The following BFSP1 variants were observed in gnomAD, a reference collection of about 807,000 sequenced individuals.
BFSP1 encodes the protein beaded filament structural protein 1.
BFSP1 carries 38 observed loss-of-function variants against 43.9 expected under a neutral mutation model. The observed-to-expected ratio is 0.87, with a 90% confidence interval of 0.67 to 1.14. The LOEUF (loss-of-function observed/expected upper bound fraction) is 1.14, where lower values mean the gene tolerates loss of function less well. Among genes scored for constraint, BFSP1 ranks in the 50% most tolerant of loss-of-function variants. BFSP1 has a pLI of 0.00. For synonymous variants in BFSP1, 352 were observed against 354.8 expected (o/e 0.99, Z 0.09); for missense variants, 850 against 875.1 (o/e 0.97, Z 0.36).
Position 17,517,653 on chromosome 20 carries a change from ATATAT to A in BFSP1, c.439-2842_439-2838del, listed in dbSNP as rs537387178. Among the ~76,000 whole-genome samples, 413 of 152,364 alleles carry A rather than the reference ATATAT, an allele frequency of 2.7e-3. 3 individuals are homozygous for A. The highest frequency in any genetic ancestry group is 9.5e-3 in the African/African-American group (396 of 41,586). On this transcript the variant is annotated intron_variant, in intron 2 of 7. Coordinates refer to ENST00000377873, the MANE Select transcript of BFSP1 (RefSeq NM_001195.5). The stretch of plus-strand genomic sequence containing the variant: ...GAAACAGGTGAAATTAATTTTAATA[ATATAT>A]TTTATTTTACCCAGTATACCCAAAA...
chr20:17,533,205 A>G (rs1052108703), upstream of BFSP1, among the ~76,000 whole-genome samples: 1 of 152,248 alleles, frequency 6.6e-6, no homozygotes, highest in African/African-American at 2.4e-5. Flanking sequence ...AAAAATAAAA[A>G]TAATAAATAA....
chr20:17,495,341 C>T (rs1443941500), intron 7 of BFSP1, among the ~76,000 whole-genome samples: 1 of 152,230 alleles, frequency 6.6e-6, no homozygotes, highest in Non-Finnish European at 1.5e-5. Flanking sequence ...GTATGCAAGG[C>T]CATTGTCCTG....
rs568965806 is a variant in BFSP1, at chr20:17,510,417, G to A, written c.628-1421C>T. ...TAACATCTCTGGAAAGGAATCTCTG[G>A]GAAAGAAAATTAAGGCTTCAGGAAA... is the stretch of plus-strand genomic sequence containing the variant. On this transcript the variant is annotated intron_variant, in intron 4 of 7. Coordinates refer to ENST00000377873, the MANE Select transcript of BFSP1 (RefSeq NM_001195.5). Among the ~76,000 whole-genome samples, 3 of 152,286 alleles carry A rather than the reference G, an allele frequency of 2.0e-5. No homozygotes were observed. The East Asian group carries it at 5.8e-4, about 29-fold the overall frequency.
chr20:17,533,872 A>T (rs776221437), upstream of BFSP1, among the ~76,000 whole-genome samples: 10 of 152,260 alleles, frequency 6.6e-5, no homozygotes, highest in Non-Finnish European at 1.2e-4. Flanking sequence ...GCGTAGCCTC[A>T]GAGTTAAATA....
chr20:17,563,810 T>C (rs963907232), upstream of BFSP1, among the ~76,000 whole-genome samples: 15 of 146,740 alleles, frequency 1.0e-4, no homozygotes, highest in African/African-American at 3.8e-4. Flanking sequence ...TGCTTGAGCC[T>C]AGGAGGTTGA....
chr20:17,531,301 G>T lies in BFSP1; in HGVS notation c.29C>A (p.Thr10Asn). 6.8e-7 allele frequency: 1 copy of T among 1,472,274 alleles called. No homozygotes were observed. The highest frequency in any genetic ancestry group is 2.9e-5 in the East Asian group (1 of 34,554). The allele number at this position is 1,472,274 out of a possible 1,614,324, so 91.2% of individuals were successfully genotyped here. MYRRSYVFQ[T>N]RKEQYEHADE... ...GGCGTGCTCGTACTGCTCCTTGCGG[G>T]TCTGGAAGACGTAGCTGCGCCGGTA... is the stretch of plus-strand genomic sequence containing the variant. The change falls in exon 1 of 8, where the codon ACC becomes AAC. Residue 10 changes from threonine (T) to asparagine (N), a missense_variant. Thr to Asn is a moderately conservative substitution (Grantham distance 65, BLOSUM62 0). Coordinates refer to ENST00000377873, the MANE Select transcript of BFSP1 (RefSeq NM_001195.5).
At chr20:17,539,294 T>A (rs557286273) in intron 1 of BFSP1, among the ~76,000 whole-genome samples, 2 of 151,810 alleles carry the variant, frequency 1.3e-5, no homozygotes, top group East Asian at 3.9e-4. Context: ...AACTGTTTCA[T>A]ACACACAGGA....
intron 4 of BFSP1, 101 bp from the exon 5 acceptor site, chr20:17,509,097 TG>T (rs2034014301): frequency 1.2e-6 from 1 of 823,706 alleles, no homozygotes; most frequent in African/African-American, 1.8e-5. Flanking sequence ...CGTGTCCCCC[TG>T]AATTCTGTGT....
intron 2 of BFSP1, among the ~76,000 whole-genome samples, chr20:17,515,411 C>T (rs561492240): frequency 1.3e-5 from 2 of 152,300 alleles, no homozygotes; most frequent in South Asian, 4.1e-4. Flanking sequence ...GCAGTTTTCT[C>T]CCAAGGACTG....
chr20:17,564,856 T>C (rs2035101748), intron 1 of BFSP1, among the ~76,000 whole-genome samples: 1 of 152,156 alleles, frequency 6.6e-6, no homozygotes, highest in African/African-American at 2.4e-5. Context: ...CCCAAAGTGC[T>C]GGGATTACAG....
chr20:17,498,564 C>T (rs1451605589), intron 6 of BFSP1, among the ~76,000 whole-genome samples: 3 of 152,214 alleles, frequency 2.0e-5, no homozygotes, highest in Admixed American at 2.0e-4. Context: ...GACCACCCTA[C>T]TTAAAACTGC....
At chr20:17,501,408 T>C (rs1187836374) in intron 5 of BFSP1, among the ~76,000 whole-genome samples, 1 of 151,920 alleles carries the variant, frequency 6.6e-6, no homozygotes, top group Non-Finnish European at 1.5e-5. Context: ...CTACTAAAAA[T>C]ACAAAAATTA....
intron 3 of BFSP1, among the ~76,000 whole-genome samples, chr20:17,513,008 G>A (rs546958100): frequency 2.6e-5 from 4 of 152,130 alleles, no homozygotes; most frequent in Admixed American, 6.5e-5. Flanking sequence ...CCAACAAATG[G>A]TCATCTTGTC....
In BFSP1 at chr20:17,531,042, G is replaced by A; in HGVS notation, c.288C>T (p.Arg96=). The change falls in exon 1 of 8, where the codon CGC becomes CGT. Residue 96 remains arginine (R), a synonymous_variant. Transcript: ENST00000377873. ...CGGCCTCCAGGTCCCGGACGCGCTG[G>A]CGGTTGCTCTCGACTTGGCGGGCGA... The part of the protein sequence containing the change: ...DALARQVESN[R]QRVRDLEAER... The A allele has an allele frequency of 7.0e-7, 1 of 1,420,258 alleles. No individual in the cohort carries two copies. Among genetic ancestry groups the A allele is most frequent in the Non-Finnish European group, 9.2e-7 (1 of 1,090,292 alleles). The allele number at this position is 1,420,258 out of a possible 1,614,324, so 88.0% of individuals were successfully genotyped here.
At chr20:17,545,778 TA>T (rs1304862075) in intron 1 of BFSP1, among the ~76,000 whole-genome samples, 1 of 152,246 alleles carries the variant, frequency 6.6e-6, no homozygotes, top group Non-Finnish European at 1.5e-5. Flanking sequence ...ACTTGCACAC[TA>T]AAATGCCAAA....
chr20:17,501,807 G>C (rs57004524), intron 5 of BFSP1, among the ~76,000 whole-genome samples: 1 of 152,126 alleles, frequency 6.6e-6, no homozygotes, highest in Admixed American at 6.5e-5. Flanking sequence ...ATAGGACCAG[G>C]GGTGGGCCTG....
Position 17,522,579 on chromosome 20 carries a change from A to T in BFSP1, c.438+2269T>A, listed in dbSNP as rs910587250. 2.0e-5 allele frequency among the ~76,000 whole-genome samples: 3 copies of T among 152,254 alleles called. No individual in the cohort carries two copies. The South Asian group carries it at 6.2e-4, about 31-fold the overall frequency. On this transcript the variant is annotated intron_variant, in intron 2 of 7. Transcript: ENST00000377873. ...TAACAGGTAATCATAAAAAATTCAC[A>T]ACTATTAAATATCACTCCTCCATGC...
At chr20:17,506,052 G>C (rs1223588659) in intron 5 of BFSP1, among the ~76,000 whole-genome samples, 1 of 152,194 alleles carries the variant, frequency 6.6e-6, no homozygotes, top group Non-Finnish European at 1.5e-5. Flanking sequence ...TCAGAGAAAC[G>C]TGTAAGTCCA....
intron 1 of BFSP1, among the ~76,000 whole-genome samples, chr20:17,538,536 A>C (rs932144434): frequency 2.0e-5 from 3 of 152,228 alleles, no homozygotes; most frequent in African/African-American, 7.2e-5. Flanking sequence ...ACCAGATGGT[A>C]TCATGATCTC....
Sources: gnomAD v4.1 joint callset for allele counts (sites outside exome capture counted in the v4.1 genomes callset) on GRCh38, gnomAD v4.1.1 for gene constraint, MANE v1.5 for transcripts, NCBI Gene and HGNC (gene_info 2026-07-23, HGNC 2026-07-21) for gene names.